Variants in FBXO24 observed in about 807,000 individuals in gnomAD.
FBXO24 encodes the protein F-box only protein 24.
A neutral mutation model predicts 63.5 loss-of-function variants in FBXO24; 30 were observed. The ratio of observed to expected loss-of-function variants is 0.47; its 90% CI spans 0.35 to 0.64. The LOEUF (loss-of-function observed/expected upper bound fraction) is 0.64, where lower values mean the gene tolerates loss of function less well. Ranked by LOEUF, FBXO24 falls within the 30% of genes least tolerant of loss-of-function variation. The probability of loss-of-function intolerance (pLI) is 0.00; values close to 1 mark genes in which losing one functional copy is unlikely to be tolerated. For synonymous variants in FBXO24, 300 were observed against 305.0 expected (o/e 0.98, Z 0.17); for missense variants, 624 against 763.4 (o/e 0.82, Z 2.15).
intron 8 of FBXO24, among the ~76,000 whole-genome samples, chr7:100,599,192 T>G (rs1048685161): frequency 6.6e-6 from 1 of 152,254 alleles, no homozygotes; most frequent in African/African-American, 2.4e-5. Context: ...AGGTCAAGGC[T>G]GCAGTGAGCT....
chr7:100,590,288 A>G lies in FBXO24; in HGVS notation c.253A>G (p.Arg85Gly). Residue 85 changes from arginine to glycine, a missense_variant, in exon 3 of 10, where the codon AGA becomes GGA. Arg to Gly is a moderately radical substitution (Grantham distance 125). Around this residue, in one of 3 missense-constraint regions of FBXO24, gnomAD observed 391 missense variants for 469.1 expected, o/e 0.83. Transcript: ENST00000241071. ...GEGVWRRICR[R>G]LSPRLQDQGS... The stretch of plus-strand genomic sequence containing the variant: ...AGGCGTGTGGAGACGCATCTGTCGC[A>G]GACTCAGTCCGCGCCTCCAAGATCA... The G allele has an allele frequency of 6.2e-7, 1 of 1,614,158 alleles. No homozygotes were observed. Among genetic ancestry groups the G allele is most frequent in the Non-Finnish European group, 8.5e-7 (1 of 1,180,008 alleles).
intron 8 of FBXO24, among the ~76,000 whole-genome samples, chr7:100,598,525 G>C (rs1191381121): frequency 6.6e-6 from 1 of 152,144 alleles, no homozygotes; most frequent in Non-Finnish European, 1.5e-5. Flanking sequence ...TGGATAGACT[G>C]GCTGTGGGAA....
rs1481415626 is a variant in FBXO24 at position 100,600,428 on chromosome 7, C to G, written c.1378-106C>G. The G allele has an allele frequency of 6.6e-6, 10 of 1,508,018 alleles. No individual in the cohort carries two copies. In the African/African-American group the frequency reaches 1.3e-4, roughly 19 times the overall value. The allele number at this position is 1,508,018 out of a possible 1,614,324, so 93.4% of individuals were successfully genotyped here. ...CCCCTGGGACTTAGCCGGCTCAGGG[C>G]TGGTGTGAGAGGGAAGAATGCAATA... On this transcript the variant is annotated intron_variant, in intron 9 of 9. Coordinates refer to ENST00000241071, the MANE Select transcript of FBXO24 (RefSeq NM_033506.3). This position sits in a 1 kb window ranked among gnomAD's most constrained non-coding sequence, Gnocchi z 6.3.
intron 6 of FBXO24, 37 bp from the exon 7 acceptor site, chr7:100,595,065 C>T (rs1233818526): frequency 6.2e-7 from 1 of 1,611,838 alleles, no homozygotes; most frequent in East Asian, 2.2e-5. Context: ...GAAATGGGTG[C>T]CCAAAGCTGC....
At chr7:100,596,123 T>TA (rs1802295715) in intron 8 of FBXO24, among the ~76,000 whole-genome samples, 1 of 151,800 alleles carries the variant, frequency 6.6e-6, no homozygotes, top group Non-Finnish European at 1.5e-5. Flanking sequence ...ACCAAAAATA[T>TA]AAAAAATTAG....
chr7:100,600,384 C>T lies in FBXO24; in HGVS notation c.1378-150C>T. ...TTTCTCCCTTAGCAGACTGTGCTGG[C>T]CTTGCCCAACCTCACACACCCCTGG... On this transcript the variant is annotated intron_variant, in intron 9 of 9. Transcript: ENST00000241071. The surrounding 1 kb of genome is among the most constrained non-coding windows in gnomAD (Gnocchi z 6.3). 4.2e-6 allele frequency: 6 copies of T among 1,442,622 alleles called. No homozygotes were observed. The highest frequency in any genetic ancestry group is 4.7e-6 in the Non-Finnish European group (5 of 1,072,912). The allele number at this position is 1,442,622 out of a possible 1,614,324, so 89.4% of individuals were successfully genotyped here. A position where few individuals can be genotyped will look rare whatever the true frequency, so the allele number is the denominator to read the frequency against.
chr7:100,593,118 T>C, intron 5 of FBXO24, 101 bp downstream of exon 5: 1 of 851,690 alleles, frequency 1.2e-6, no homozygotes. Context: ...GGGTTCCATA[T>C]GCCACCTTAT....
Position 100,586,467 on chromosome 7 carries a change from G to T in FBXO24, c.-159G>T, listed in dbSNP as rs527596529. On this transcript the variant is annotated 5_prime_UTR_variant, in exon 1 of 10. Coordinates refer to ENST00000241071, the MANE Select transcript of FBXO24 (RefSeq NM_033506.3). Reference sequence around the variant, plus strand: ...ACCGGCACTCCACTAGCAGGAAAACGGGCCGAGGGACCGCAAGCAGGGGGT... The same window carrying T: ...ACCGGCACTCCACTAGCAGGAAAACTGGCCGAGGGACCGCAAGCAGGGGGT... 10 of 752,102 alleles carry T rather than the reference G, an allele frequency of 1.3e-5. No homozygotes were observed. In the African/African-American group the frequency reaches 1.6e-4, roughly 12 times the overall value. The allele number at this position is 752,102 out of a possible 1,614,324, so 46.6% of individuals were successfully genotyped here. A position where few individuals can be genotyped will look rare whatever the true frequency, so the allele number is the denominator to read the frequency against.
intron 3 of FBXO24, 59 bp downstream of exon 3, chr7:100,590,416 C>T (rs1190456048): frequency 2.6e-6 from 4 of 1,535,378 alleles, no homozygotes; most frequent in South Asian, 1.2e-5. Flanking sequence ...AGCCTTCCTG[C>T]TCTCTAAAGT....
chr7:100,600,236 A>G lies in FBXO24; in HGVS notation c.1377+35A>G. 1.3e-6 allele frequency: 2 copies of G among 1,486,882 alleles called. No homozygotes were observed. Among genetic ancestry groups the G allele is most frequent in the Non-Finnish European group, 1.8e-6 (2 of 1,113,280 alleles). 92.1% of individuals were successfully genotyped at this position (1,486,882 alleles called of 1,614,324 possible). On this transcript the variant is annotated intron_variant, in intron 9 of 9. Coordinates refer to ENST00000241071, the MANE Select transcript of FBXO24 (RefSeq NM_033506.3). This position sits in a 1 kb window ranked among gnomAD's most constrained non-coding sequence, Gnocchi z 6.3. Reference sequence around the variant, plus strand: ...GGGTCAGGAGAGTGGGCACCCAGGGAGGATGAGAGCCATGAACCAGGAAGC... The same window carrying G: ...GGGTCAGGAGAGTGGGCACCCAGGGGGGATGAGAGCCATGAACCAGGAAGC...
chr7:100,588,865 G>A (rs999248431), intron 1 of FBXO24, among the ~76,000 whole-genome samples: 14 of 151,966 alleles, frequency 9.2e-5, no homozygotes, highest in Non-Finnish European at 1.9e-4. Flanking sequence ...TATCATTCTC[G>A]CCCGGGCTGG....
intron 1 of FBXO24, 27 bp downstream of exon 1, chr7:100,586,691 TAAG>T (rs756591966): frequency 6.2e-7 from 1 of 1,613,794 alleles, no homozygotes; most frequent in South Asian, 1.1e-5. Context: ...AGACTGAGGT[TAAG>T]AATGAACGCG....
In FBXO24 at chr7:100,595,613, G is replaced by T; in HGVS notation, c.1113G>T (p.Leu371=). 6.2e-7 allele frequency: 1 copy of T among 1,613,192 alleles called. No homozygotes were observed. The highest frequency in any genetic ancestry group is 2.2e-5 in the East Asian group (1 of 44,868). The stretch of plus-strand genomic sequence containing the variant: ...CTCTTGGCTACAACCACCTTGGCCT[G>T]GTGGATGAATTTGGCCGAATCTTCA... The part of the protein sequence containing the change: ...FCALGYNHLG[L]VDEFGRIFMQ... The change falls in exon 8 of 10, where the codon CTG becomes CTT. Residue 371 remains leucine, a synonymous_variant. Transcript: ENST00000241071.
In FBXO24 at chr7:100,590,133, G is replaced by A. The variant is rs373517829; in HGVS notation, c.139-41G>A. The A allele has an allele frequency of 1.2e-5, 19 of 1,607,726 alleles. No homozygotes were observed. In the African/African-American group the frequency reaches 2.5e-4, roughly 22 times the overall value. On this transcript the variant is annotated intron_variant, in intron 2 of 9. Coordinates refer to ENST00000241071, the MANE Select transcript of FBXO24 (RefSeq NM_033506.3). ...AGGATTGGGGGCCAGATCACCGAGG[G>A]GCCACCAAAGACTCCCCGCTTCTTC... is the stretch of plus-strand genomic sequence containing the variant.
Position 100,590,371 on chromosome 7 carries a change from A to C in FBXO24, c.322+14A>C. 1.3e-6 allele frequency: 2 copies of C among 1,595,098 alleles called. No individual in the cohort carries two copies. Among genetic ancestry groups the C allele is most frequent in the Non-Finnish European group, 1.7e-6 (2 of 1,167,592 alleles). ...CCATTCTGAACTGTACACCTTCCCC[A>C]GAACCTCCCGTTCTCCTTGCCTCTG... On this transcript the variant is annotated intron_variant, in intron 3 of 9. Transcript: ENST00000241071.
chr7:100,589,555 G>A (rs1252243305), intron 1 of FBXO24: 1 of 1,419,620 alleles, frequency 7.0e-7, no homozygotes, highest in African/African-American at 1.4e-5. Flanking sequence ...TGAGGTCACA[G>A]AGAGGTTTGT....
At chr7:100,595,863 C>G (rs1304780633) in intron 8 of FBXO24, among the ~76,000 whole-genome samples, 157 bp downstream of exon 8, 6 of 152,204 alleles carry the variant, frequency 3.9e-5, no homozygotes, top group African/African-American at 1.4e-4. Flanking sequence ...TACCCCATGT[C>G]TTACCCAGGG....
At position 100,586,402 on chromosome 7, in the gene FBXO24, G is replaced by T; in HGVS notation, c.-224G>T. 1.6e-6 allele frequency: 1 copy of T among 634,792 alleles called. No individual in the cohort carries two copies. The highest frequency in any genetic ancestry group is 2.8e-6 in the Non-Finnish European group (1 of 363,168). 39.3% of individuals were successfully genotyped at this position (634,792 alleles called of 1,614,324 possible). On this transcript the variant is annotated 5_prime_UTR_variant, in exon 1 of 10. Transcript: ENST00000241071. ...TGCACCCAATCACAATGCTCAGATC[G>T]GGAGGTGGAGCCAATCAGGTCCAAC...
chr7:100,595,780 C>G, intron 8 of FBXO24, 74 bp downstream of exon 8: 1 of 1,487,018 alleles, frequency 6.7e-7, no homozygotes, highest in Non-Finnish European at 9.0e-7. Context: ...CTGTCCACTT[C>G]TCCAGATTCC....
Sources: gnomAD v4.1 joint callset for allele counts (sites outside exome capture counted in the v4.1 genomes callset) on GRCh38, gnomAD v4.1.1 for gene constraint, gnomAD v4.1.1 regional missense constraint, Gnocchi (gnomAD v3.1) non-coding constraint, MANE v1.5 for transcripts, NCBI Gene and HGNC (gene_info 2026-07-23, HGNC 2026-07-21) for gene names.